Variants in SMARCAL1 observed in about 807,000 individuals in gnomAD.
SMARCAL1 encodes ATP-driven annealing helicase.
SMARCAL1 carries 58 observed loss-of-function variants against 94.5 expected under a neutral mutation model. That is an observed-to-expected ratio of 0.61 (90% confidence interval 0.50 to 0.76). The LOEUF (loss-of-function observed/expected upper bound fraction) is 0.76. Ranked by LOEUF, SMARCAL1 falls within the 30% of genes least tolerant of loss-of-function variation. The probability of loss-of-function intolerance (pLI) is 0.00; values close to 1 mark genes in which losing one functional copy is unlikely to be tolerated. For missense variants in SMARCAL1, 1,051 were observed against 1,177.9 expected (o/e 0.89, Z 1.58); for synonymous variants, 422 against 455.1 (o/e 0.93, Z 0.93).
chr2:216,437,291 A>G (rs1458130731), intron 9 of SMARCAL1, among the ~76,000 whole-genome samples: 2 of 152,232 alleles, frequency 1.3e-5, no homozygotes, highest in African/African-American at 2.4e-5. Flanking sequence ...TCAGAAAGGC[A>G]TATGACCGTA....
intron 15 of SMARCAL1, among the ~76,000 whole-genome samples, chr2:216,476,665 CA>C (rs1452920958): frequency 6.6e-6 from 1 of 152,200 alleles, no homozygotes; most frequent in Non-Finnish European, 1.5e-5. Context: ...ACCCTATGCC[CA>C]AATCATGGAT....
chr2:216,481,030 T>TG (rs917613957), intron 17 of SMARCAL1, among the ~76,000 whole-genome samples: 1 of 151,980 alleles, frequency 6.6e-6, no homozygotes, highest in South Asian at 2.1e-4. Context: ...AGGGAACTAA[T>TG]GGGGGGAACA....
chr2:216,470,324 T>G (rs1694934863), intron 14 of SMARCAL1, among the ~76,000 whole-genome samples: 2 of 151,928 alleles, frequency 1.3e-5, no homozygotes, highest in South Asian at 4.2e-4. Flanking sequence ...CTAATTTTTT[T>G]GCATTTTTTT....
At chr2:216,437,244 T>A (rs1341141793) in intron 9 of SMARCAL1, among the ~76,000 whole-genome samples, 1 of 152,258 alleles carries the variant, frequency 6.6e-6, no homozygotes, top group Non-Finnish European at 1.5e-5. Flanking sequence ...TTTTTCTCCA[T>A]AAATACATTT....
intron 17 of SMARCAL1, among the ~76,000 whole-genome samples, chr2:216,478,754 A>T (rs1430856333): frequency 6.6e-6 from 1 of 152,210 alleles, no homozygotes; most frequent in Non-Finnish European, 1.5e-5. Flanking sequence ...ATAGAGGGGT[A>T]AACTGAGACA....
intron 6 of SMARCAL1, among the ~76,000 whole-genome samples, chr2:216,424,352 A>T (rs768106246): frequency 1.3e-5 from 2 of 152,226 alleles, no homozygotes; most frequent in Non-Finnish European, 2.9e-5. Flanking sequence ...CTCAGACTGT[A>T]CCAGAATACC....
At chr2:216,436,030 G>A (rs5017919) in intron 9 of SMARCAL1, among the ~76,000 whole-genome samples, 3 of 152,146 alleles carry the variant, frequency 2.0e-5, no homozygotes, top group South Asian at 2.1e-4. Context: ...GTGCAGTGGC[G>A]TGATCTCGGC....
intron 9 of SMARCAL1, among the ~76,000 whole-genome samples, chr2:216,436,436 TCA>T (rs1299594082): frequency 2.0e-5 from 3 of 152,330 alleles, no homozygotes; most frequent in Non-Finnish European, 4.4e-5. Context: ...TTTACATAAC[TCA>T]CACAAATATT....
intron 13 of SMARCAL1, among the ~76,000 whole-genome samples, chr2:216,467,193 G>A (rs913188078): frequency 2.6e-5 from 4 of 152,132 alleles, no homozygotes; most frequent in African/African-American, 7.2e-5. Context: ...GAAGCTTGCC[G>A]GGTGCGGTGG....
chr2:216,439,378 A>G (rs1694149939), intron 10 of SMARCAL1, among the ~76,000 whole-genome samples: 1 of 152,094 alleles, frequency 6.6e-6, no homozygotes, highest in Admixed American at 6.5e-5. Context: ...GAGAAGTACA[A>G]TTAGAAAAGT....
At chr2:216,447,690 G>A (rs1574466095) in intron 11 of SMARCAL1, among the ~76,000 whole-genome samples, 1 of 151,876 alleles carries the variant, frequency 6.6e-6, no homozygotes, top group East Asian at 1.9e-4. Context: ...GAAAAAAAAA[G>A]ATAAAGGTAG....
At position 216,428,638 on chromosome 2, in the gene SMARCAL1, TG is replaced by T. The variant is rs956223874; in HGVS notation, c.1191del (p.Thr399ArgfsTer38). On this transcript the variant is annotated frameshift_variant, in exon 7 of 18. Coordinates refer to ENST00000357276, the MANE Select transcript of SMARCAL1 (RefSeq NM_014140.4). LOFTEE classifies it high-confidence loss of function. Reference sequence around the variant, plus strand: ...CTCCCACAAGTTCAGCTGGACCCTCTGCCCACGACTCTCACCCTGGCGTTTG... The same window carrying T: ...CTCCCACAAGTTCAGCTGGACCCTCTCCCACGACTCTCACCCTGGCGTTTG... ...RCLPQVQLDP[L>X]PTTLTLAFAS... The T allele has an allele frequency of 1.2e-6, 2 of 1,613,898 alleles. No individual in the cohort carries two copies. Among genetic ancestry groups the T allele is most frequent in the Non-Finnish European group, 1.7e-6 (2 of 1,179,878 alleles).
rs1481132551 is a variant in SMARCAL1 at position 216,413,910 on chromosome 2, CTA to C, written c.-59+20_-59+21del. On this transcript the variant is annotated intron_variant, in intron 2 of 17. Transcript: ENST00000357276. ...ACGCCATGGTATGTGGTTGGTTGGT[CTA>C]TTTCAGTCTAATCTATTATGCTTTC... The C allele has an allele frequency of 1.3e-5, 2 of 152,192 alleles. No individual in the cohort carries two copies. Among genetic ancestry groups the C allele is most frequent in the African/African-American group, 4.8e-5 (2 of 41,444 alleles). The allele number at this position is 152,192 out of a possible 1,614,324, so 9.4% of individuals were successfully genotyped here.
At chr2:216,470,522 G>C (rs1694940731) in intron 14 of SMARCAL1, among the ~76,000 whole-genome samples, 1 of 148,472 alleles carries the variant, frequency 6.7e-6, no homozygotes, top group Non-Finnish European at 1.5e-5. Context: ...GAGTCTCACT[G>C]TATCTCCCAC....
chr2:216,414,543 G>A, intron 2 of SMARCAL1, 104 bp from the exon 3 acceptor site: 1 of 677,134 alleles, frequency 1.5e-6, no homozygotes, highest in Admixed American at 2.4e-5. Context: ...CTTTAGTTGT[G>A]CTCATTATGC....
intron 14 of SMARCAL1, among the ~76,000 whole-genome samples, chr2:216,468,507 C>T (rs930691079): frequency 2.0e-5 from 3 of 152,120 alleles, no homozygotes; most frequent in Admixed American, 6.5e-5. Flanking sequence ...TGAAATTGAA[C>T]GAAAGGGATC....
chr2:216,455,846 C>T (rs191751721), intron 12 of SMARCAL1, among the ~76,000 whole-genome samples: 35 of 152,262 alleles, frequency 2.3e-4, no homozygotes, highest in African/African-American at 4.6e-4. Context: ...CAAAGCTGGA[C>T]GGAGAATGAC....
At position 216,461,055 on chromosome 2, in the gene SMARCAL1, GGTGTGT is replaced by G. The variant is rs71054476; in HGVS notation, c.2071-3511_2071-3506del. On this transcript the variant is annotated intron_variant, in intron 12 of 17. Transcript: ENST00000357276. ...TTATATTGATGTAAAACTAGAAAGA[GGTGTGT>G]GTGTGTGTGTGTGTGTGTGTGTGTG... Among the ~76,000 whole-genome samples, 1,297 of 146,278 alleles carry G rather than the reference GGTGTGT, an allele frequency of 8.9e-3. 6 individuals carry two copies. Among genetic ancestry groups the G allele is most frequent in the African/African-American group, 0.016 (623 of 39,836 alleles).
At chr2:216,444,938 A>C (rs1401219675) in intron 10 of SMARCAL1, among the ~76,000 whole-genome samples, 1 of 152,212 alleles carries the variant, frequency 6.6e-6, no homozygotes, top group Non-Finnish European at 1.5e-5. Flanking sequence ...CCCCCAACCC[A>C]CGAAGAAACT....
Sources: allele counts gnomAD v4.1 joint callset (sites outside exome capture counted in the v4.1 genomes callset), GRCh38; gene constraint gnomAD v4.1.1; transcripts MANE v1.5; gene names NCBI Gene and HGNC (gene_info 2026-07-23, HGNC 2026-07-21).